Variants in CDH15 observed in about 807,000 individuals in gnomAD.
The protein encoded by CDH15 is cadherin 15.
A neutral mutation model predicts 69.4 loss-of-function variants in CDH15; 73 were observed. The ratio of observed to expected loss-of-function variants is 1.05; its 90% CI spans 0.87 to 1.28. CDH15 has a LOEUF of 1.28. Ranked by LOEUF, CDH15 falls within the 50% of genes most tolerant of loss-of-function variation. CDH15 has a pLI of 0.00. For missense variants in CDH15, 1,343 were observed against 1,133.6 expected (o/e 1.18, Z -2.65); for synonymous variants, 624 against 507.7 (o/e 1.23, Z -3.08).
chr16:89,191,511 C>T (rs756662636), intron 9 of CDH15, 39 bp downstream of exon 9: 1 of 1,607,456 alleles, frequency 6.2e-7, no homozygotes, highest in Non-Finnish European at 8.5e-7. Context: ...CTGACCTGGC[C>T]TTGTCCCGGC....
Position 89,193,540 on chromosome 16 carries a change from C to G in CDH15, c.1926C>G (p.Gly642=). 6.2e-7 allele frequency: 1 copy of G among 1,611,670 alleles called. No homozygotes were observed. The highest frequency in any genetic ancestry group is 8.5e-7 in the Non-Finnish European group (1 of 1,179,578). Residue 642 remains glycine (G), a synonymous_variant, in exon 12 of 14, where the codon GGC becomes GGG. Coordinates refer to ENST00000289746, the MANE Select transcript of CDH15 (RefSeq NM_004933.3). ...KQSRGKGLLH[G]PQDDLRDNVL... ...CTCGGGGCAAGGGGCTGCTGCACGG[C>G]CCCCAGGACGACCTTCGAGACAATG... is the stretch of plus-strand genomic sequence containing the variant.
intron 9 of CDH15, 37 bp from the exon 10 acceptor site, chr16:89,191,618 T>A: frequency 6.4e-7 from 1 of 1,562,236 alleles, no homozygotes; most frequent in Non-Finnish European, 8.6e-7. Context: ...CAGGCTGGGG[T>A]GTTGGGGTCA....
chr16:89,183,720 G>A (rs1265571991), intron 4 of CDH15, 28 bp downstream of exon 4: 2 of 1,569,860 alleles, frequency 1.3e-6, no homozygotes, highest in Admixed American at 1.9e-5. Flanking sequence ...CCCCGGGCCG[G>A]GAGGGGCTGC....
At chr16:89,191,580 C>A in intron 9 of CDH15, 75 bp from the exon 10 acceptor site, 2 of 1,574,428 alleles carry the variant, frequency 1.3e-6, no homozygotes, top group African/African-American at 1.3e-5. Context: ...CTCAGAGCTG[C>A]GCACCCGCTC....
chr16:89,191,463 CA>C lies in CDH15; in HGVS notation c.1367del (p.Gln456ArgfsTer21), dbSNP rs749792180. 3 of 1,612,528 alleles carry C rather than the reference CA, an allele frequency of 1.9e-6. No individual in the cohort carries two copies. In the South Asian group the frequency reaches 3.3e-5, roughly 18 times the overall value. Reference protein sequence around the residue: ...GGWYRAIVLAQDDASQPRTAT... With the variant: ...GGWYRAIVLAXDDASQPRTAT... ...CTGGTACAGAGCCATCGTCCTGGCC[CA>C]GGATGACGGTGAGCGGCGCCGCCGG... is the stretch of plus-strand genomic sequence containing the variant. On this transcript the variant is annotated frameshift_variant, in exon 9 of 14. Transcript: ENST00000289746. LOFTEE classifies it high-confidence loss of function.
At position 89,183,488 on chromosome 16, in the gene CDH15, T is replaced by TA. The variant is rs1445573020; in HGVS notation, c.358-58dup. 4.4e-6 allele frequency: 7 copies of TA among 1,603,818 alleles called. No homozygotes were observed. In the East Asian group the frequency reaches 6.7e-5, roughly 15 times the overall value. Reference sequence around the variant, plus strand: ...ACGTGCTGTCTCTTTCGCATGGCCCTAACGGGAGCCACAGAAATTTGGGGG... The same window carrying TA: ...ACGTGCTGTCTCTTTCGCATGGCCCTAAACGGGAGCCACAGAAATTTGGGGG... On this transcript the variant is annotated intron_variant, in intron 3 of 13. Transcript: ENST00000289746.
chr16:89,177,836 CA>C (rs1457522780), intron 1 of CDH15, among the ~76,000 whole-genome samples: 1 of 152,128 alleles, frequency 6.6e-6, no homozygotes, highest in East Asian at 1.9e-4. Flanking sequence ...GCTTTAGGGT[CA>C]GGGGTCTTTC....
intron 1 of CDH15, among the ~76,000 whole-genome samples, chr16:89,172,519 C>G (rs1013561523): frequency 1.3e-5 from 2 of 152,152 alleles, no homozygotes; most frequent in Admixed American, 6.5e-5. Context: ...CCGCAGCTGC[C>G]TGGGGTGATC....
chr16:89,174,718 G>A (rs560902800), intron 1 of CDH15, among the ~76,000 whole-genome samples: 4 of 152,322 alleles, frequency 2.6e-5, no homozygotes, highest in African/African-American at 9.6e-5. Context: ...ATGAGCTTGG[G>A]GGTGTCATTG....
At position 89,195,201 on chromosome 16, in the gene CDH15, G is replaced by A; in HGVS notation, c.*46G>A. 6.6e-7 allele frequency: 1 copy of A among 1,516,174 alleles called. No individual in the cohort carries two copies. Among genetic ancestry groups the A allele is most frequent in the Non-Finnish European group, 8.8e-7 (1 of 1,133,976 alleles). 93.9% of individuals were successfully genotyped at this position (1,516,174 alleles called of 1,614,324 possible). On this transcript the variant is annotated 3_prime_UTR_variant, in exon 14 of 14. Transcript: ENST00000289746. ...TGCCACTCCCCGGCCTCGTGGCAGT[G>A]ATGGCCCCTGCAGAGGCAGCCTGAG...
chr16:89,194,753 C>A, intron 13 of CDH15, 109 bp from the exon 14 acceptor site: 2 of 1,133,862 alleles, frequency 1.8e-6, no homozygotes, highest in Non-Finnish European at 2.6e-6. Context: ...GGGCAGCTTC[C>A]CCTTCCTGAG....
chr16:89,191,867 C>G lies in CDH15; in HGVS notation c.1588C>G (p.Arg530Gly), dbSNP rs747187785. 4 of 1,592,782 alleles carry G rather than the reference C, an allele frequency of 2.5e-6. No homozygotes were observed. The highest frequency in any genetic ancestry group is 4.5e-5 in the East Asian group (2 of 44,372). Residue 530 changes from arginine to glycine, a missense_variant, in exon 10 of 14, where the codon CGG (arginine) becomes GGG (glycine). Arg to Gly is a moderately radical substitution (Grantham distance 125). Coordinates refer to ENST00000289746, the MANE Select transcript of CDH15 (RefSeq NM_004933.3). ...QLSPRLPELG[R>G]NWSLSQVNVS... ...GAGCCCCAGGCTCCCAGAGCTCGGC[C>G]GGAACTGGAGCCTCAGCCAGGTCAA...
At chr16:89,186,479 CCAGCGCA>C (rs1915490188) in intron 5 of CDH15, among the ~76,000 whole-genome samples, 2 of 140,952 alleles carry the variant, frequency 1.4e-5, no homozygotes, top group African/African-American at 5.4e-5. Flanking sequence ...AAAGGCCCAC[CCAGCGCA>C]CAGTAGGTGC....
Position 89,191,782 on chromosome 16 carries a change from C to T in CDH15, c.1503C>T (p.Leu501=). 6.2e-7 allele frequency: 1 copy of T among 1,606,430 alleles called. No individual in the cohort carries two copies. The highest frequency in any genetic ancestry group is 8.5e-7 in the Non-Finnish European group (1 of 1,179,522). ...GCGAGCCACACCAAGGCCCAGGCCT[C>T]CTCCTGGGCGCCACGGATGAGGACC... The part of the protein sequence containing the change: ...LCSEPHQGPG[L]LLGATDEDLP... The change falls in exon 10 of 14, where the codon CTC becomes CTT. Residue 501 remains leucine, a synonymous_variant. Transcript: ENST00000289746.
At chr16:89,171,991 G>A (rs1473743002) in intron 1 of CDH15, 118 bp downstream of exon 1, 14 of 1,105,694 alleles carry the variant, frequency 1.3e-5, no homozygotes, top group Non-Finnish European at 1.7e-5. Context: ...GCCTTTGGGG[G>A]CCTGTGAGCG....
intron 1 of CDH15, among the ~76,000 whole-genome samples, chr16:89,177,640 C>T (rs527392846): frequency 3.3e-5 from 5 of 152,280 alleles, no homozygotes; most frequent in Non-Finnish European, 5.9e-5. Flanking sequence ...TCCCTCTCCC[C>T]TGCCTCTCCC....
At chr16:89,175,963 CTG>C (rs150260056) in intron 1 of CDH15, among the ~76,000 whole-genome samples, 574 of 152,386 alleles carry the variant, frequency 3.8e-3, no homozygotes, top group African/African-American at 0.013. Flanking sequence ...GTGGGGACCT[CTG>C]TGTGCTGGGC....
chr16:89,172,404 C>G (rs1239521069), intron 1 of CDH15, among the ~76,000 whole-genome samples: 1 of 152,164 alleles, frequency 6.6e-6, no homozygotes, highest in Middle Eastern at 3.2e-3. Flanking sequence ...ACGGCTACTT[C>G]TCGATTGGGA....
chr16:89,190,643 C>A (rs1915617691), intron 8 of CDH15, 147 bp downstream of exon 8: 2 of 1,040,174 alleles, frequency 1.9e-6, no homozygotes, highest in Non-Finnish European at 2.8e-6. Context: ...GGTCTCGAGT[C>A]CCGAGCATGC....
Sources: allele counts gnomAD v4.1 joint callset (sites outside exome capture counted in the v4.1 genomes callset), GRCh38; gene constraint gnomAD v4.1.1; transcripts MANE v1.5; gene names NCBI Gene and HGNC (gene_info 2026-07-23, HGNC 2026-07-21).